Variants in MROH9 observed in about 807,000 individuals in gnomAD.
MROH9 encodes maestro heat like repeat family member 9.
MROH9 carries 92 observed loss-of-function variants against 98.2 expected under a neutral mutation model. That is an observed-to-expected ratio of 0.94 (90% CI 0.79 to 1.11). MROH9 has a LOEUF of 1.11. Ranked by LOEUF, MROH9 falls within the 50% of genes most tolerant of loss-of-function variation. The pLI is 0.00. For missense variants in MROH9, 1,057 were observed against 1,014.8 expected (o/e 1.04, Z -0.57); for synonymous variants, 397 against 368.9 (o/e 1.08, Z -0.87).
chr1:170,962,487 A>C (rs981048641), intron 6 of MROH9, among the ~76,000 whole-genome samples: 5 of 152,136 alleles, frequency 3.3e-5, no homozygotes, highest in African/African-American at 1.2e-4. Context: ...TCCCAACCAG[A>C]GACAGAAGAC....
intron 7 of MROH9, among the ~76,000 whole-genome samples, 168 bp from the exon 8 acceptor site, chr1:170,971,580 T>A (rs1199383433): frequency 6.6e-6 from 1 of 152,220 alleles, no homozygotes; most frequent in African/African-American, 2.4e-5. Context: ...ATTTCACAGA[T>A]GAGGAAATTG....
At chr1:171,019,424 T>C (rs1272610409) in intron 17 of MROH9, among the ~76,000 whole-genome samples, 4 of 151,588 alleles carry the variant, frequency 2.6e-5, no homozygotes, top group African/African-American at 9.7e-5. Context: ...AAGGCTGAGG[T>C]GGGTGGATCA....
chr1:171,064,184 T>C lies in MROH9; in HGVS notation c.2430T>C (p.His810=). 1 of 1,551,406 alleles carries C rather than the reference T, an allele frequency of 6.4e-7. No individual in the cohort carries two copies. Residue 810 remains histidine (H), a synonymous_variant, in exon 22 of 22, where the codon CAT becomes CAC. Coordinates refer to ENST00000367759, the MANE Select transcript of MROH9 (RefSeq NM_001163629.2). ...ITYDIFKKKA[H]KLTSAPLKQN... ...ATGATATTTTTAAGAAAAAAGCCCATAAACTGACCTCTGCACCTCTTAAAC... is the reference window on the plus strand; with the variant it reads ...ATGATATTTTTAAGAAAAAAGCCCACAAACTGACCTCTGCACCTCTTAAAC...
Position 170,968,527 on chromosome 1 carries a change from T to C in MROH9, c.481-3221T>C, listed in dbSNP as rs1276573145. On this transcript the variant is annotated intron_variant, in intron 7 of 21. Transcript: ENST00000367759. ...AAGCAGCAACCACACTTTGTGAAAT[T>C]TGGGGAAACTCTCCAAATAAAAGAG... 5.3e-5 allele frequency among the ~76,000 whole-genome samples: 8 copies of C among 152,202 alleles called. No homozygotes were observed. In the East Asian group the frequency reaches 1.5e-3, roughly 29 times the overall value.
At chr1:171,011,492 C>T (rs1018835139) in intron 15 of MROH9, among the ~76,000 whole-genome samples, 17 of 152,148 alleles carry the variant, frequency 1.1e-4, no homozygotes, top group Admixed American at 2.0e-4. Context: ...TTTTCCTTGA[C>T]TTACATTTGG....
Position 171,037,287 on chromosome 1 carries a change from AGAAG to A in MROH9, c.2281+11880_2281+11883del, listed in dbSNP as rs556783181. Among the ~76,000 whole-genome samples, 73 of 151,676 alleles carry A rather than the reference AGAAG, an allele frequency of 4.8e-4. 1 individual carries two copies. In the East Asian group the frequency reaches 0.012, roughly 24 times the overall value. On this transcript the variant is annotated intron_variant, in intron 20 of 21. Coordinates refer to ENST00000367759, the MANE Select transcript of MROH9 (RefSeq NM_001163629.2). ...AAAAGAGAGGGAGGGAGAAAAAGAA[AGAAG>A]GAAGGAAGGAAGACTTTTGGAAGAA...
At chr1:170,944,151 G>A (rs1649230995) in intron 1 of MROH9, among the ~76,000 whole-genome samples, 2 of 152,034 alleles carry the variant, frequency 1.3e-5, no homozygotes, top group East Asian at 1.9e-4. Flanking sequence ...AAAATTGTAT[G>A]AGGAGTGACA....
intron 20 of MROH9, among the ~76,000 whole-genome samples, chr1:171,032,480 G>GT (rs1219212957): frequency 1.3e-5 from 2 of 152,048 alleles, no homozygotes; most frequent in Non-Finnish European, 2.9e-5. Context: ...TTTTGTTGTT[G>GT]TTTTTGTTGT....
At chr1:171,051,593 G>C (rs1038720906) in intron 20 of MROH9, among the ~76,000 whole-genome samples, 2 of 152,092 alleles carry the variant, frequency 1.3e-5, no homozygotes. Context: ...TGGCAGAGAG[G>C]CAGGGAGGAG....
At chr1:170,990,442 A>T (rs1651314638) in intron 11 of MROH9, among the ~76,000 whole-genome samples, 1 of 152,226 alleles carries the variant, frequency 6.6e-6, no homozygotes, top group African/African-American at 2.4e-5. Flanking sequence ...TAACAGCATT[A>T]AAATTGGGAG....
rs1304569885 is a variant in MROH9, at chr1:171,000,770, G to T, written c.1596+2496G>T. Among the ~76,000 whole-genome samples, 3 of 151,962 alleles carry T rather than the reference G, an allele frequency of 2.0e-5. No individual in the cohort carries two copies. The East Asian group carries it at 5.8e-4, about 29-fold the overall frequency. The stretch of plus-strand genomic sequence containing the variant: ...TGACTTCATAGAATGAATTAGGGAG[G>T]GTTCCTTCTTTCTCAATCTTGTGGA... On this transcript the variant is annotated intron_variant, in intron 15 of 21. Transcript: ENST00000367759.
At chr1:170,992,030 GC>G in intron 11 of MROH9, 133 bp from the exon 12 acceptor site, 2 of 766,758 alleles carry the variant, frequency 2.6e-6, no homozygotes, top group Non-Finnish European at 3.8e-6. Flanking sequence ...ATCTCAGTTT[GC>G]TTTGGACATG....
At chr1:170,999,773 G>A (rs557643856) in intron 15 of MROH9, among the ~76,000 whole-genome samples, 4 of 152,198 alleles carry the variant, frequency 2.6e-5, no homozygotes, top group African/African-American at 9.6e-5. Context: ...TTCCATAGTG[G>A]CTGTACTACT....
chr1:171,018,924 A>T (rs1484931361), intron 17 of MROH9, among the ~76,000 whole-genome samples: 1 of 151,940 alleles, frequency 6.6e-6, no homozygotes, highest in East Asian at 1.9e-4. Context: ...CAGCAAATTA[A>T]CAGGATATTG....
intron 8 of MROH9, 144 bp from the exon 9 acceptor site, chr1:170,983,278 G>T (rs1047826740): frequency 1.0e-5 from 6 of 593,026 alleles, no homozygotes; most frequent in Non-Finnish European, 1.8e-5. Flanking sequence ...AATTTTATGA[G>T]ACTAAACTAT....
chr1:170,982,299 T>C (rs1021499769), intron 8 of MROH9, among the ~76,000 whole-genome samples: 1 of 152,192 alleles, frequency 6.6e-6, no homozygotes, highest in Admixed American at 6.5e-5. Flanking sequence ...TACGAAAACA[T>C]GGATGAATCT....
intron 20 of MROH9, among the ~76,000 whole-genome samples, chr1:171,028,951 A>G (rs574710790): frequency 6.6e-6 from 1 of 152,308 alleles, no homozygotes; most frequent in East Asian, 1.9e-4. Flanking sequence ...AGAATCATGC[A>G]GTCTGCAGAG....
At position 171,035,346 on chromosome 1, in the gene MROH9, C is replaced by T. The variant is rs115915333; in HGVS notation, c.2281+9926C>T. Among the ~76,000 whole-genome samples the T allele has an allele frequency of 6.9e-3, 1,052 of 151,648 alleles. 12 individuals carry two copies. The highest frequency in any genetic ancestry group is 0.024 in the African/African-American group (1,013 of 41,458). On this transcript the variant is annotated intron_variant, in intron 20 of 21. Transcript: ENST00000367759. ...CATAGAGACAAATAATCATGTAAAA[C>T]ATGTTCAACAATATTAATAATCAGA...
rs1571449863 is a variant in MROH9 at position 170,958,494 on chromosome 1, T to C, written c.106T>C (p.Ser36Pro). 1 of 1,595,470 alleles carries C rather than the reference T, an allele frequency of 6.3e-7. No individual in the cohort carries two copies. Among genetic ancestry groups the C allele is most frequent in the East Asian group, 2.2e-5 (1 of 44,632 alleles). ...AGTTAACAGCCTATTGGATGCATAC[T>C]CAGGCCTGTTAAGTAATGAATCCAT... is the stretch of plus-strand genomic sequence containing the variant. ...HKVNSLLDAY[S>P]GLLSNESMIL... is the part of the protein sequence containing the mutation. The change falls in exon 4 of 22, where the codon TCA becomes CCA. Residue 36 changes from serine to proline, a missense_variant. Ser to Pro is a moderately conservative substitution (Grantham distance 74). Transcript: ENST00000367759.
Sources: allele counts gnomAD v4.1 joint callset (sites outside exome capture counted in the v4.1 genomes callset), GRCh38; gene constraint gnomAD v4.1.1; transcripts MANE v1.5; gene names NCBI Gene and HGNC (gene_info 2026-07-23, HGNC 2026-07-21).